The following MICAL2 variants were observed in gnomAD, a reference collection of about 807,000 sequenced individuals.
MICAL2 encodes the protein [F-actin]-monooxygenase MICAL2.
MICAL2 carries 77 observed loss-of-function variants against 127.3 expected under a neutral mutation model. The ratio of observed to expected loss-of-function variants is 0.60; its 90% CI spans 0.50 to 0.73. MICAL2 has a LOEUF of 0.73. Ranked by LOEUF, MICAL2 falls within the 30% of genes least tolerant of loss-of-function variation. The pLI, the probability that MICAL2 is intolerant of heterozygous loss-of-function variation, is 0.00. For missense variants in MICAL2, 1,351 were observed against 1,434.4 expected, an observed-to-expected ratio of 0.94 and a Z score of 0.94; for synonymous variants, 570 against 551.1, an observed-to-expected ratio of 1.03 and a Z score of -0.48.
chr11:12,259,770 G>A, intron 25 of MICAL2, 25 bp from the exon 26 acceptor site: 1 of 1,519,456 alleles, frequency 6.6e-7, no homozygotes, highest in South Asian at 1.3e-5. Flanking sequence ...ACAGACAAAT[G>A]CCCTCATTTC....
At chr11:12,165,481 T>C (rs1855392836) in intron 3 of MICAL2, among the ~76,000 whole-genome samples, 1 of 152,250 alleles carries the variant, frequency 6.6e-6, no homozygotes, top group Admixed American at 6.5e-5. Flanking sequence ...TGATCATTAA[T>C]GCTAAGCCAG....
chr11:12,359,803 C>G (rs1320477194), downstream of MICAL2, among the ~76,000 whole-genome samples: 1 of 152,136 alleles, frequency 6.6e-6, no homozygotes, highest in Admixed American at 6.5e-5. Context: ...CACTAAAGAA[C>G]TCTTGGTTGT....
intron 7 of MICAL2, among the ~76,000 whole-genome samples, chr11:12,215,526 G>C (rs939352079): frequency 2.6e-5 from 4 of 152,204 alleles, no homozygotes; most frequent in African/African-American, 4.8e-5. Flanking sequence ...TGAGTCTGAA[G>C]AAGGGCCCTG....
intron 3 of MICAL2, among the ~76,000 whole-genome samples, chr11:12,178,332 C>T (rs1474147405): frequency 1.3e-5 from 2 of 152,128 alleles, no homozygotes; most frequent in Non-Finnish European, 2.9e-5. Flanking sequence ...ATAAGAGTAA[C>T]CATGGCCCGT....
chr11:12,195,796 A>G (rs936467184), intron 3 of MICAL2: 2 of 151,580 alleles, frequency 1.3e-5, no homozygotes, highest in African/African-American at 4.8e-5. Flanking sequence ...TGAAAAGCCC[A>G]TGTGTGGGCT....
At chr11:12,138,074 A>C (rs1431142053) in intron 1 of MICAL2, among the ~76,000 whole-genome samples, 1 of 152,222 alleles carries the variant, frequency 6.6e-6, no homozygotes, top group African/African-American at 2.4e-5. Flanking sequence ...GTTTTTACTA[A>C]AGCAGCGAAT....
At chr11:12,179,781 G>T (rs1857223855) in intron 3 of MICAL2, among the ~76,000 whole-genome samples, 1 of 152,206 alleles carries the variant, frequency 6.6e-6, no homozygotes, top group African/African-American at 2.4e-5. Context: ...GGTTGGTGTT[G>T]TTACCAAGTT....
rs936296962 is a variant in MICAL2, at chr11:12,169,064, T to C, written c.264+6645T>C. 2.6e-5 allele frequency among the ~76,000 whole-genome samples: 4 copies of C among 152,066 alleles called. No homozygotes were observed. In the East Asian group the frequency reaches 5.8e-4, roughly 22 times the overall value. ...TAAAAAAAAAGGAAAGAAAATTTAG[T>C]GTGGAAGAAGTTTCTTTTCTCCACT... On this transcript the variant is annotated intron_variant, in intron 3 of 27. Coordinates refer to ENST00000683283, the MANE Select transcript of MICAL2 (RefSeq NM_001282663.2).
At position 12,242,768 on chromosome 11, in the gene MICAL2, C is replaced by A; in HGVS notation, c.2654C>A (p.Pro885Gln). ...LASMFGHGDF[P>Q]QNKLLSKGLS... Reference sequence around the variant, plus strand: ...TCCATGTTTGGACACGGGGATTTCCCGCAGGTAAACATGGGGCTTTCAGAG... The same window carrying A: ...TCCATGTTTGGACACGGGGATTTCCAGCAGGTAAACATGGGGCTTTCAGAG... The change falls in exon 20 of 28, where the codon CCG becomes CAG. Residue 885 changes from proline to glutamine, a missense_variant. Pro to Gln is a moderately conservative substitution (Grantham distance 76, BLOSUM62 -1). Coordinates refer to ENST00000683283, the MANE Select transcript of MICAL2 (RefSeq NM_001282663.2). 1 of 1,604,600 alleles carries A rather than the reference C, an allele frequency of 6.2e-7. No homozygotes were observed. Among genetic ancestry groups the A allele is most frequent in the Non-Finnish European group, 8.5e-7 (1 of 1,176,592 alleles).
chr11:12,112,735 T>C (rs1029309669), intron 1 of MICAL2, among the ~76,000 whole-genome samples: 1 of 152,124 alleles, frequency 6.6e-6, no homozygotes, highest in Non-Finnish European at 1.5e-5. Context: ...ATGATTTTCA[T>C]GACTTATTTT....
At chr11:12,144,002 C>T (rs528793104) in intron 2 of MICAL2, among the ~76,000 whole-genome samples, 1 of 152,184 alleles carries the variant, frequency 6.6e-6, no homozygotes, top group South Asian at 2.1e-4. Context: ...TGTTCCTGCA[C>T]ACCCCCACTT....
At chr11:12,206,447 T>C (rs1213932707) in intron 4 of MICAL2, among the ~76,000 whole-genome samples, 1 of 152,210 alleles carries the variant, frequency 6.6e-6, no homozygotes, top group East Asian at 1.9e-4. Flanking sequence ...GGAGAATTTA[T>C]TGAGCACCTA....
chr11:12,163,984 C>T (rs1177003721), intron 3 of MICAL2, among the ~76,000 whole-genome samples: 6 of 152,040 alleles, frequency 3.9e-5, no homozygotes, highest in African/African-American at 9.7e-5. Context: ...TTGCCCCATA[C>T]ACCCAACATG....
Position 12,187,692 on chromosome 11 carries a change from C to T in MICAL2, c.265-16558C>T, listed in dbSNP as rs541286670. ...TGCTGGTGGAGGTGACTGGGGGTTC[C>T]CGAGAGTGGATGAGTTGTCCGTATC... On this transcript the variant is annotated intron_variant, in intron 3 of 27. Coordinates refer to ENST00000683283, the MANE Select transcript of MICAL2 (RefSeq NM_001282663.2). 2.6e-5 allele frequency among the ~76,000 whole-genome samples: 4 copies of T among 152,290 alleles called. No homozygotes were observed. In the East Asian group the frequency reaches 5.8e-4, roughly 22 times the overall value.
At chr11:12,222,786 A>C (rs180923247) in intron 11 of MICAL2, 43 bp downstream of exon 11, 1 of 1,609,754 alleles carries the variant, frequency 6.2e-7, no homozygotes, top group African/African-American at 1.3e-5. Flanking sequence ...CTCTGCACTG[A>C]ACAGTGGGAA....
chr11:12,271,014 C>A (rs1199252538), intron 24 of MICAL2, among the ~76,000 whole-genome samples: 1 of 152,200 alleles, frequency 6.6e-6, no homozygotes, highest in Non-Finnish European at 1.5e-5. Context: ...TGTTGGGAGC[C>A]ATGTGTGAGG....
At chr11:12,274,329 A>C (rs1279568259), upstream of MICAL2, 2 of 152,230 alleles carry the variant, frequency 1.3e-5, no homozygotes, top group Admixed American at 6.5e-5. Context: ...CTGAACGCCT[A>C]CCGTTCACCA....
At chr11:12,250,915 C>T (rs756083575) in intron 22 of MICAL2, among the ~76,000 whole-genome samples, 61 of 152,194 alleles carry the variant, frequency 4.0e-4, no homozygotes, top group Non-Finnish European at 7.8e-4. Context: ...TGGACTGGCT[C>T]TAACCCTGAG....
chr11:12,294,965 T>C (rs1227151308), downstream of MICAL2: 6 of 1,336,482 alleles, frequency 4.5e-6, no homozygotes, highest in South Asian at 1.1e-4. Flanking sequence ...TCTCAAATAC[T>C]AACAAAAGTA....
Sources: allele counts gnomAD v4.1 joint callset (sites outside exome capture counted in the v4.1 genomes callset), GRCh38; gene constraint gnomAD v4.1.1; transcripts MANE v1.5; gene names NCBI Gene and HGNC (gene_info 2026-07-23, HGNC 2026-07-21).